Variants in AAK1 observed in about 807,000 individuals in gnomAD.
AAK1 encodes AP2 associated kinase 1.
A neutral mutation model predicts 116.0 loss-of-function variants in AAK1; 37 were observed. The ratio of observed to expected loss-of-function variants is 0.32; its 90% CI spans 0.25 to 0.42. AAK1 has a LOEUF of 0.42. AAK1 is among the 10% of genes least tolerant of loss of function. The probability of loss-of-function intolerance (pLI) is 1.00; values close to 1 mark genes in which losing one functional copy is unlikely to be tolerated. For missense variants in AAK1, 919 were observed against 1,170.6 expected (o/e 0.79, Z 3.14); for synonymous variants, 458 against 439.9 (o/e 1.04, Z -0.51).
chr2:69,482,741 G>A lies in AAK1; in HGVS notation c.2437C>T (p.Pro813Ser). ...ACAGCATCAGAAGTGCTACCAAAAG[G>A]ATCTGTCATAGGCAAGAGGTCAGGG... ...LLPDLLPMTDPFGSTSDAVIE... is the reference protein window; with the variant it reads ...LLPDLLPMTDSFGSTSDAVIE... Residue 813 changes from proline to serine, a missense_variant, in exon 18 of 22, where the codon CCT becomes TCT. By Grantham distance (74) the Pro-to-Ser change is moderately conservative. Coordinates refer to ENST00000409085, the MANE Select transcript of AAK1 (RefSeq NM_014911.5). The A allele has an allele frequency of 1.9e-6, 3 of 1,613,368 alleles. No homozygotes were observed. The highest frequency in any genetic ancestry group is 2.5e-6 in the Non-Finnish European group (3 of 1,179,320).
intron 20 of AAK1, chr2:69,478,738 G>A (rs1674963686): frequency 4.5e-6 from 2 of 442,910 alleles, no homozygotes; most frequent in Admixed American, 7.5e-5. Context: ...GCAGGCCTGA[G>A]CTACCACAAC....
intron 18 of AAK1, chr2:69,481,813 T>A (rs1675100653): frequency 6.6e-6 from 1 of 152,194 alleles, no homozygotes; most frequent in Non-Finnish European, 1.5e-5. Context: ...CCTTTTTAAA[T>A]TTTTTAATTT....
At chr2:69,629,005 C>T (rs1675042154) in intron 2 of AAK1, among the ~76,000 whole-genome samples, 1 of 152,202 alleles carries the variant, frequency 6.6e-6, no homozygotes, top group South Asian at 2.1e-4. Flanking sequence ...ATTTATCAGT[C>T]TTTTAAAAAC....
rs145378225 is a variant in AAK1 at position 69,476,397 on chromosome 2, A to T, written c.2792-434T>A. Among the ~76,000 whole-genome samples the T allele has an allele frequency of 2.8e-3, 433 of 152,328 alleles. 1 individual carries two copies. Among genetic ancestry groups the T allele is most frequent in the African/African-American group, 1.0e-2 (414 of 41,574 alleles). On this transcript the variant is annotated intron_variant, in intron 21 of 21. Coordinates refer to ENST00000409085, the MANE Select transcript of AAK1 (RefSeq NM_014911.5). ...GCAATAAGAACATGCTTTAAAAAAT[A>T]AATAGATGGTCCCATGGTAATTTAG...
intron 2 of AAK1, among the ~76,000 whole-genome samples, chr2:69,608,826 T>C (rs749445171): frequency 2.0e-5 from 3 of 152,190 alleles, no homozygotes; most frequent in African/African-American, 7.2e-5. Flanking sequence ...TTCTATACAC[T>C]AACAGCGAAT....
At position 69,471,958 on chromosome 2, in the gene AAK1, A is replaced by G; in HGVS notation, c.*3911T>C. On this transcript the variant is annotated 3_prime_UTR_variant, in exon 22 of 22. Coordinates refer to ENST00000409085, the MANE Select transcript of AAK1 (RefSeq NM_014911.5). ...GTTCGTTTCTTGGGTTTGTTTTTCC[A>G]CAAGTATTAGCAATCCAAGTTGTGT... 1.0e-6 allele frequency: 1 copy of G among 985,416 alleles called. No individual in the cohort carries two copies. Among genetic ancestry groups the G allele is most frequent in the Non-Finnish European group, 1.2e-6 (1 of 829,876 alleles). 61.0% of individuals were successfully genotyped at this position (985,416 alleles called of 1,614,324 possible).
chr2:69,624,080 G>A (rs1258860843), intron 2 of AAK1, among the ~76,000 whole-genome samples: 1 of 152,094 alleles, frequency 6.6e-6, no homozygotes, highest in Non-Finnish European at 1.5e-5. Flanking sequence ...GAGGGAGCTA[G>A]AGGAGAAAGG....
intron 2 of AAK1, among the ~76,000 whole-genome samples, chr2:69,585,431 A>C (rs1199286904): frequency 1.3e-5 from 2 of 152,134 alleles, no homozygotes; most frequent in Admixed American, 1.3e-4. Flanking sequence ...TCTGGTTAAC[A>C]TTTATGCTTC....
Position 69,475,677 on chromosome 2 carries a change from G to A in AAK1, c.*192C>T. 2 of 1,383,314 alleles carry A rather than the reference G, an allele frequency of 1.4e-6. No individual in the cohort carries two copies. Among genetic ancestry groups the A allele is most frequent in the Non-Finnish European group, 9.4e-7 (1 of 1,068,836 alleles). The allele number at this position is 1,383,314 out of a possible 1,614,324, so 85.7% of individuals were successfully genotyped here. ...AACTAACAAGGAGGAACTGGCCAAG[G>A]AATATCTGGAGGGCCAAAGTGATTT... On this transcript the variant is annotated 3_prime_UTR_variant, in exon 22 of 22. Transcript: ENST00000409085.
At chr2:69,531,190 C>G (rs551841846) in intron 6 of AAK1, among the ~76,000 whole-genome samples, 1 of 152,128 alleles carries the variant, frequency 6.6e-6, no homozygotes, top group Non-Finnish European at 1.5e-5. Context: ...TGGAATCAGG[C>G]TGAAATAACA....
chr2:69,470,149 C>G lies in AAK1; in HGVS notation c.*5720G>C. 1.0e-6 allele frequency: 1 copy of G among 985,386 alleles called. No homozygotes were observed. The highest frequency in any genetic ancestry group is 4.7e-5 in the South Asian group (1 of 21,278). 61.0% of individuals were successfully genotyped at this position (985,386 alleles called of 1,614,324 possible). On this transcript the variant is annotated 3_prime_UTR_variant, in exon 22 of 22. Transcript: ENST00000409085. ...CCTTAATGAAATACATCACACAACA[C>G]CAGAAGTTTACTTTTCCTCATACCA...
chr2:69,486,421 C>T (rs1469421974), intron 17 of AAK1, among the ~76,000 whole-genome samples: 4 of 152,156 alleles, frequency 2.6e-5, no homozygotes, highest in Non-Finnish European at 5.9e-5. Flanking sequence ...AAGCTATTCA[C>T]ATAGATAACT....
At chr2:69,545,376 G>C (rs1372961026) in intron 3 of AAK1, among the ~76,000 whole-genome samples, 2 of 152,176 alleles carry the variant, frequency 1.3e-5, no homozygotes, top group Non-Finnish European at 2.9e-5. Context: ...GAAAAAGAAG[G>C]CAAGCTGGGT....
intron 16 of AAK1, among the ~76,000 whole-genome samples, chr2:69,503,742 A>G (rs963835864): frequency 2.6e-5 from 4 of 152,148 alleles, no homozygotes; most frequent in Non-Finnish European, 4.4e-5. Context: ...GCTGGTCTCA[A>G]ACTCTTGACC....
intron 20 of AAK1, chr2:69,478,722 G>A: frequency 2.4e-6 from 1 of 409,424 alleles, no homozygotes; most frequent in Non-Finnish European, 4.4e-6. Flanking sequence ...CCAAAGTGCT[G>A]GGATTGCAGG....
chr2:69,483,821 C>G (rs1675187505), intron 17 of AAK1, among the ~76,000 whole-genome samples: 1 of 152,190 alleles, frequency 6.6e-6, no homozygotes, highest in African/African-American at 2.4e-5. Flanking sequence ...AAAAGGACGC[C>G]TGAGCCACCA....
In AAK1 at chr2:69,514,528, C is replaced by T; in HGVS notation, c.1719G>A (p.Gln573=). 2.6e-6 allele frequency: 4 copies of T among 1,551,592 alleles called. No individual in the cohort carries two copies. The highest frequency in any genetic ancestry group is 3.5e-6 in the Non-Finnish European group (4 of 1,147,114). ...LQQKPTMAAG[Q]QPQPQPAAAP... is the part of the protein sequence containing the mutation. The stretch of plus-strand genomic sequence containing the variant: ...CTGCAGCTGGCTGTGGCTGGGGCTG[C>T]TGTCCTGCTGCCATAGTGGGCTTTT... Residue 573 remains glutamine, a synonymous_variant, in exon 13 of 22, where the codon CAG becomes CAA. Coordinates refer to ENST00000409085, the MANE Select transcript of AAK1 (RefSeq NM_014911.5).
At chr2:69,578,754 C>T (rs1356795511) in intron 2 of AAK1, among the ~76,000 whole-genome samples, 1 of 151,906 alleles carries the variant, frequency 6.6e-6, no homozygotes, top group Non-Finnish European at 1.5e-5. Context: ...AGTGTTTAAA[C>T]AAGCTCCAAG....
rs1674738859 is a variant in AAK1 at position 69,473,234 on chromosome 2, T to C, written c.*2635A>G. On this transcript the variant is annotated 3_prime_UTR_variant, in exon 22 of 22. Coordinates refer to ENST00000409085, the MANE Select transcript of AAK1 (RefSeq NM_014911.5). ...GCCCAGGCCTCTTCTCCCCCGACCCTGTTCAATCCAGCTCAGGTCCCACAC... is the reference window on the plus strand; with the variant it reads ...GCCCAGGCCTCTTCTCCCCCGACCCCGTTCAATCCAGCTCAGGTCCCACAC... 4 of 923,496 alleles carry C rather than the reference T, an allele frequency of 4.3e-6. No individual in the cohort carries two copies. The South Asian group carries it at 2.0e-4, about 46-fold the overall frequency. The allele number at this position is 923,496 out of a possible 1,614,324, so 57.2% of individuals were successfully genotyped here.
Sources: allele counts gnomAD v4.1 joint callset (sites outside exome capture counted in the v4.1 genomes callset), GRCh38; gene constraint gnomAD v4.1.1; transcripts MANE v1.5; gene names NCBI Gene and HGNC (gene_info 2026-07-23, HGNC 2026-07-21).